The following RBFOX1 variants were observed in gnomAD, a reference collection of about 807,000 sequenced individuals.
The protein encoded by RBFOX1 is RNA binding fox-1 homolog 1, also known as RNA binding protein fox-1 homolog 1.
A neutral mutation model predicts 57.7 loss-of-function variants in RBFOX1; 8 were observed. The ratio of observed to expected loss-of-function variants is 0.14; its 90% CI spans 0.08 to 0.25. RBFOX1 has a LOEUF of 0.25. RBFOX1 is among the 10% of genes least tolerant of loss of function. The pLI is 1.00. For missense variants in RBFOX1, 611 were observed against 548.5 expected (o/e 1.11, Z -1.14); for synonymous variants, 326 against 222.4 (o/e 1.47, Z -4.15).
At chr16:6,272,225 A>T (rs145303575) in intron 1 of RBFOX1, among the ~76,000 whole-genome samples, 54 of 152,304 alleles carry the variant, frequency 3.5e-4, no homozygotes, top group Non-Finnish European at 3.4e-4. Context: ...CTATGTAGAA[A>T]CATACTTGAT....
intron 4 of RBFOX1, among the ~76,000 whole-genome samples, chr16:7,144,496 C>G (rs1389348167): frequency 6.9e-6 from 1 of 144,976 alleles, no homozygotes; most frequent in African/African-American, 2.6e-5. Context: ...CACACAGCAG[C>G]TCACTGCAGC....
At chr16:6,249,828 G>C (rs947176202) in intron 1 of RBFOX1, among the ~76,000 whole-genome samples, 1 of 149,400 alleles carries the variant, frequency 6.7e-6, no homozygotes, top group Non-Finnish European at 1.5e-5. Flanking sequence ...ACAATGTGCA[G>C]GTTAGTTACA....
chr16:7,436,245 G>A (rs149814866), intron 4 of RBFOX1, among the ~76,000 whole-genome samples: 170 of 152,270 alleles, frequency 1.1e-3, no homozygotes, highest in African/African-American at 3.7e-3. Context: ...ATTTGACAAT[G>A]AATCGTGAGC....
In RBFOX1 at chr16:6,044,767, G is replaced by C. The variant is rs546348834; in HGVS notation, c.-127+24775G>C. Among the ~76,000 whole-genome samples, 4 of 152,292 alleles carry C rather than the reference G, an allele frequency of 2.6e-5. No homozygotes were observed. The East Asian group carries it at 7.7e-4, about 29-fold the overall frequency. On this transcript the variant is annotated intron_variant, in intron 1 of 15. Transcript: ENST00000550418. ...TAACACATACCAAGATCCTACAGTGGCATGAGGCGTGAACTCTGAACTGCC... is the reference window on the plus strand; with the variant it reads ...TAACACATACCAAGATCCTACAGTGCCATGAGGCGTGAACTCTGAACTGCC...
In RBFOX1 at chr16:6,091,510, T is replaced by A. The variant is rs1803692231; in HGVS notation, c.-127+71518T>A. Among the ~76,000 whole-genome samples, 4 of 143,218 alleles carry A rather than the reference T, an allele frequency of 2.8e-5. No individual in the cohort carries two copies. In the South Asian group the frequency reaches 9.0e-4, roughly 32 times the overall value. The allele number at this position is 143,218 out of a possible 152,430, so 94.0% of individuals were successfully genotyped here. ...TCACTTTATCCTTTCACTCCTCAAC[T>A]GACTACATGGTAGGTATTCAAAAAA... is the stretch of plus-strand genomic sequence containing the variant. On this transcript the variant is annotated intron_variant, in intron 1 of 15. Coordinates refer to ENST00000550418, the MANE Select transcript of RBFOX1 (RefSeq NM_018723.4).
chr16:5,419,256 G>A (rs142131979), intron 1 of RBFOX1, among the ~76,000 whole-genome samples: 2 of 152,112 alleles, frequency 1.3e-5, no homozygotes, highest in Non-Finnish European at 2.9e-5. Context: ...AGTGGTAGAC[G>A]GCCATAGTAG....
At chr16:5,798,669 C>T (rs2054960124) in intron 3 of RBFOX1, among the ~76,000 whole-genome samples, 1 of 152,190 alleles carries the variant, frequency 6.6e-6, no homozygotes, top group Non-Finnish European at 1.5e-5. Flanking sequence ...TCAAATGGGA[C>T]TTATGAGAAG....
chr16:7,047,153 C>T (rs1055773470), intron 3 of RBFOX1, among the ~76,000 whole-genome samples: 8 of 150,952 alleles, frequency 5.3e-5, no homozygotes, highest in African/African-American at 2.0e-4. Context: ...ATTTCCAGCT[C>T]TTCCTTTCTT....
At chr16:7,084,182 A>C (rs145706249) in intron 4 of RBFOX1, among the ~76,000 whole-genome samples, 4 of 152,192 alleles carry the variant, frequency 2.6e-5, no homozygotes, top group African/African-American at 9.7e-5. Flanking sequence ...TTCAGGTCCA[A>C]AGGCATTCAG....
At position 6,810,942 on chromosome 16, in the gene RBFOX1, C is replaced by G. The variant is rs576290532; in HGVS notation, c.-16+156292C>G. 8.5e-5 allele frequency among the ~76,000 whole-genome samples: 13 copies of G among 152,100 alleles called. No homozygotes were observed. In the South Asian group the frequency reaches 2.7e-3, roughly 32 times the overall value. Reference sequence around the variant, plus strand: ...AAATCATATCAAGGTTCGGTTGCTTCCAACCATACACGTAACAGATATTTC... The same window carrying G: ...AAATCATATCAAGGTTCGGTTGCTTGCAACCATACACGTAACAGATATTTC... On this transcript the variant is annotated intron_variant, in intron 3 of 15. Coordinates refer to ENST00000550418, the MANE Select transcript of RBFOX1 (RefSeq NM_018723.4).
rs548788346 is a variant in RBFOX1, at chr16:6,931,506, C to G, written c.-15-120551C>G. Reference sequence around the variant, plus strand: ...AGAACCTACTACATCAATGAGAACACTCATTTTAAGGCTGGGGACATCTTG... The same window carrying G: ...AGAACCTACTACATCAATGAGAACAGTCATTTTAAGGCTGGGGACATCTTG... On this transcript the variant is annotated intron_variant, in intron 3 of 15. Coordinates refer to ENST00000550418, the MANE Select transcript of RBFOX1 (RefSeq NM_018723.4). 5.9e-5 allele frequency among the ~76,000 whole-genome samples: 9 copies of G among 152,234 alleles called. No homozygotes were observed. In the East Asian group the frequency reaches 1.4e-3, roughly 23 times the overall value.
At chr16:7,502,443 G>A (rs1298419441) in intron 4 of RBFOX1, among the ~76,000 whole-genome samples, 1 of 152,120 alleles carries the variant, frequency 6.6e-6, no homozygotes, top group East Asian at 1.9e-4. Context: ...GTGGCAGGTG[G>A]TTGCTAAGTT....
intron 3 of RBFOX1, among the ~76,000 whole-genome samples, chr16:5,762,451 C>G (rs1240256251): frequency 6.6e-6 from 1 of 151,624 alleles, no homozygotes; most frequent in Middle Eastern, 3.5e-3. Context: ...AGAAATACAA[C>G]GTGGAACAAC....
intron 3 of RBFOX1, among the ~76,000 whole-genome samples, chr16:6,886,025 C>G (rs1030674355): frequency 3.3e-5 from 5 of 151,058 alleles, no homozygotes; most frequent in African/African-American, 1.2e-4. Context: ...TTTCATGCAT[C>G]AAGGATACTG....
intron 4 of RBFOX1, among the ~76,000 whole-genome samples, chr16:7,366,795 T>C (rs528201958): frequency 6.6e-6 from 1 of 152,172 alleles, no homozygotes; most frequent in South Asian, 2.1e-4. Context: ...AGATCAAAAA[T>C]GGGATTCCAG....
At chr16:6,667,233 A>C (rs1384095249) in intron 3 of RBFOX1, among the ~76,000 whole-genome samples, 1 of 152,108 alleles carries the variant, frequency 6.6e-6, no homozygotes, top group Non-Finnish European at 1.5e-5. Flanking sequence ...GCTGCTGGGC[A>C]CCCTCAGCAG....
At chr16:5,387,123 C>T (rs1031751567) in intron 1 of RBFOX1, among the ~76,000 whole-genome samples, 8 of 152,266 alleles carry the variant, frequency 5.3e-5, no homozygotes, top group African/African-American at 1.9e-4. Context: ...GAGCTGTCTC[C>T]CCACAAGGCT....
At chr16:6,100,365 T>A (rs796656481) in intron 1 of RBFOX1, among the ~76,000 whole-genome samples, 11 of 152,312 alleles carry the variant, frequency 7.2e-5, no homozygotes, top group East Asian at 3.9e-4. Flanking sequence ...GGTTTCACCA[T>A]GTTAGCCAGG....
At chr16:5,721,288 A>G (rs2051923097) in intron 3 of RBFOX1, among the ~76,000 whole-genome samples, 1 of 152,178 alleles carries the variant, frequency 6.6e-6, no homozygotes, top group Non-Finnish European at 1.5e-5. Flanking sequence ...TGATTTTTGC[A>G]AATTAATCTT....
Sources: gnomAD v4.1 joint callset for allele counts (sites outside exome capture counted in the v4.1 genomes callset) on GRCh38, gnomAD v4.1.1 for gene constraint, MANE v1.5 for transcripts, NCBI Gene and HGNC (gene_info 2026-07-23, HGNC 2026-07-21) for gene names.